Variants in SYNE1 observed in about 807,000 individuals in gnomAD.
The protein encoded by SYNE1 is spectrin repeat containing nuclear envelope protein 1.
SYNE1 carries 616 observed loss-of-function variants against 1,111.0 expected under a neutral mutation model. That is an observed-to-expected ratio of 0.55 (90% CI 0.52 to 0.59). The LOEUF is 0.59. SYNE1 is among the 20% of genes least tolerant of loss of function. SYNE1 has a pLI of 0.00. For missense variants in SYNE1, 10,006 were observed against 10,417.0 expected, an observed-to-expected ratio of 0.96 and a Z score of 1.72; for synonymous variants, 3,855 against 3,825.8, an observed-to-expected ratio of 1.01 and a Z score of -0.28.
intron 130 of SYNE1, 146 bp downstream of exon 130, chr6:152,176,248 T>G: frequency 2.7e-6 from 3 of 1,101,964 alleles, no homozygotes; most frequent in Non-Finnish European, 4.1e-6. Flanking sequence ...GTGCCACTTA[T>G]GAGAGGAGCA....
At chr6:152,276,524 A>G (rs1314456154) in intron 98 of SYNE1, among the ~76,000 whole-genome samples, 1 of 152,190 alleles carries the variant, frequency 6.6e-6, no homozygotes, top group Non-Finnish European at 1.5e-5. Flanking sequence ...AAAAAAATAC[A>G]TAGGTTAGTC....
At chr6:152,245,871 T>C (rs2086980406) in intron 105 of SYNE1, among the ~76,000 whole-genome samples, 1 of 152,144 alleles carries the variant, frequency 6.6e-6, no homozygotes, top group Non-Finnish European at 1.5e-5. Context: ...AAGTGTGTTC[T>C]CTGGAGAAGG....
At chr6:152,167,904 G>GCA (rs751007253) in intron 130 of SYNE1, 6 of 756,566 alleles carry the variant, frequency 7.9e-6, no homozygotes, top group Middle Eastern at 2.3e-4. Context: ...TAACCTTTTT[G>GCA]TCCAGCTCTG....
chr6:152,359,094 T>G (rs1297413163), intron 65 of SYNE1, among the ~76,000 whole-genome samples: 1 of 152,216 alleles, frequency 6.6e-6, no homozygotes, highest in African/African-American at 2.4e-5. Flanking sequence ...TTTCTAGGAA[T>G]TTTTAGTTGA....
chr6:152,150,240 G>T (rs1170059321), intron 135 of SYNE1, among the ~76,000 whole-genome samples: 4 of 152,124 alleles, frequency 2.6e-5, no homozygotes, highest in African/African-American at 9.7e-5. Context: ...TCTATGTGTT[G>T]CAAAAGATTT....
intron 53 of SYNE1, among the ~76,000 whole-genome samples, chr6:152,389,134 A>G (rs1483783622): frequency 6.6e-6 from 1 of 152,204 alleles, no homozygotes; most frequent in East Asian, 1.9e-4. Context: ...TTTTGTTCAC[A>G]TTGCCGTGGA....
chr6:152,390,174 C>T lies in SYNE1; in HGVS notation c.8177+106G>A, dbSNP rs1444158753. ...CAAAGACAGGCATGCCTACAAGCTA[C>T]AGTAAAATGCTTGGGAATTCCACCC... On this transcript the variant is annotated intron_variant, in intron 53 of 145. Transcript: ENST00000367255. The T allele has an allele frequency of 4.1e-6, 5 of 1,218,264 alleles. No individual in the cohort carries two copies. The East Asian group carries it at 1.2e-4, about 29-fold the overall frequency. The allele number at this position is 1,218,264 out of a possible 1,614,324, so 75.5% of individuals were successfully genotyped here.
chr6:152,153,532 CTA>C (rs1409366302), intron 133 of SYNE1, among the ~76,000 whole-genome samples: 2 of 152,136 alleles, frequency 1.3e-5, no homozygotes, highest in African/African-American at 4.8e-5. Context: ...ATCTGAGAGT[CTA>C]AAATAGCATC....
chr6:152,184,655 GATAGA>G (rs1239758783), intron 128 of SYNE1, among the ~76,000 whole-genome samples: 30 of 151,544 alleles, frequency 2.0e-4, no homozygotes, highest in African/African-American at 6.5e-4. Context: ...TAGATAGATA[GATAGA>G]TAGATAGATA....
chr6:152,321,533 A>G, intron 83 of SYNE1, 143 bp from the exon 84 acceptor site: 3 of 1,279,338 alleles, frequency 2.3e-6, no homozygotes, highest in Non-Finnish European at 3.2e-6. Context: ...TTGTCTCTGA[A>G]TATAAAGTAT....
intron 69 of SYNE1, among the ~76,000 whole-genome samples, chr6:152,353,000 T>C (rs2096768786): frequency 6.6e-6 from 1 of 152,248 alleles, no homozygotes; most frequent in Admixed American, 6.5e-5. Flanking sequence ...TTTCTCTTAA[T>C]ATTGAAGTGT....
At chr6:152,251,806 T>C (rs956917945) in intron 104 of SYNE1, among the ~76,000 whole-genome samples, 2 of 152,178 alleles carry the variant, frequency 1.3e-5, no homozygotes, top group Admixed American at 1.3e-4. Flanking sequence ...AATTGAACTA[T>C]TTTTGTATTA....
chr6:152,172,388 C>T (rs2065433176), intron 130 of SYNE1, among the ~76,000 whole-genome samples: 1 of 152,030 alleles, frequency 6.6e-6, no homozygotes, highest in Non-Finnish European at 1.5e-5. Flanking sequence ...AAGATAACAG[C>T]CAAATAACTA....
At chr6:152,454,903 G>C (rs1432749883) in intron 24 of SYNE1, among the ~76,000 whole-genome samples, 2 of 152,046 alleles carry the variant, frequency 1.3e-5, no homozygotes, top group African/African-American at 4.8e-5. Context: ...TACCATTCAT[G>C]AACATTATGA....
At chr6:152,443,333 C>A (rs927570719) in intron 30 of SYNE1, among the ~76,000 whole-genome samples, 25 of 152,226 alleles carry the variant, frequency 1.6e-4, no homozygotes, top group Non-Finnish European at 1.9e-4. Flanking sequence ...GGGGCAATCT[C>A]GGCTCATTGC....
chr6:152,624,398 A>T lies in SYNE1; in HGVS notation c.67+3867T>A, dbSNP rs576073839. On this transcript the variant is annotated intron_variant, in intron 3 of 145. Transcript: ENST00000367255. ...CAACAAGTTCTTTTTAAGTAACTAT[A>T]AAAAATTACAAAAAAGCCTTAAAAT... 3.9e-5 allele frequency among the ~76,000 whole-genome samples: 6 copies of T among 152,282 alleles called. 1 individual carries two copies. The highest frequency in any genetic ancestry group is 2.0e-4 in the Admixed American group (3 of 15,298).
chr6:152,130,156 G>T (rs2055105545), intron 145 of SYNE1, among the ~76,000 whole-genome samples: 1 of 152,126 alleles, frequency 6.6e-6, no homozygotes, highest in Non-Finnish European at 1.5e-5. Context: ...TGGGTGTGCT[G>T]GATGAAGGGA....
chr6:152,385,005 A>C (rs2097502592), intron 55 of SYNE1, among the ~76,000 whole-genome samples: 1 of 152,176 alleles, frequency 6.6e-6, no homozygotes, highest in South Asian at 2.1e-4. Flanking sequence ...CCTGGCCACA[A>C]TTACACTATT....
Position 152,269,227 on chromosome 6 carries a change from G to A in SYNE1, c.18633C>T (p.Gly6211=), listed in dbSNP as rs755740458. ...DVDLTATQSP[G]VQEWLAQART... ...GAGCTTGGGCCAGCCATTCCTGGAC[G>A]CCGGGGCTCTGCGTGGCTGTTAGGT... is the stretch of plus-strand genomic sequence containing the variant. The change falls in exon 99 of 146, where the codon GGC becomes GGT. Residue 6211 remains glycine, a synonymous_variant. Transcript: ENST00000367255. 9 of 1,614,074 alleles carry A rather than the reference G, an allele frequency of 5.6e-6. No homozygotes were observed. In the East Asian group the frequency reaches 6.7e-5, roughly 12 times the overall value.
Sources: allele counts gnomAD v4.1 joint callset (sites outside exome capture counted in the v4.1 genomes callset), GRCh38; gene constraint gnomAD v4.1.1; transcripts MANE v1.5; gene names NCBI Gene and HGNC (gene_info 2026-07-23, HGNC 2026-07-21).